The following RYR3 variants were observed in gnomAD, a reference collection of about 807,000 sequenced individuals.
The protein encoded by RYR3 is brain ryanodine receptor-calcium release channel.
In RYR3, 207 loss-of-function variants were observed where a neutral mutation model predicts 584.3. That is an observed-to-expected ratio of 0.35 (90% CI 0.32 to 0.40). The LOEUF is 0.40. Among genes scored for constraint, RYR3 ranks in the 10% least tolerant of loss-of-function variants. RYR3 has a pLI of 1.00. For synonymous variants in RYR3, 2,416 were observed against 2,248.5 expected (o/e 1.07, Z -2.11); for missense variants, 5,616 against 6,089.2 (o/e 0.92, Z 2.59).
rs568913665 is a variant in RYR3, at chr15:33,433,045, C to G, written c.52-40374C>G. The stretch of plus-strand genomic sequence containing the variant: ...TCCATTACCTGAGGCCTATATTGAC[C>G]TTTTCCCTCATGGGTCTTTGACTCA... On this transcript the variant is annotated intron_variant, in intron 1 of 103. Coordinates refer to ENST00000634891, the MANE Select transcript of RYR3 (RefSeq NM_001036.6). Among the ~76,000 whole-genome samples the G allele has an allele frequency of 1.4e-3, 211 of 152,164 alleles. 1 individual carries two copies. The highest frequency in any genetic ancestry group is 6.8e-3 in the Middle Eastern group (2 of 294).
At chr15:33,558,559 C>G (rs752343791) in intron 10 of RYR3, among the ~76,000 whole-genome samples, 3 of 152,040 alleles carry the variant, frequency 2.0e-5, no homozygotes, top group Admixed American at 6.6e-5. Context: ...AATAAACATA[C>G]GTGTGCATGT....
chr15:33,634,800 A>G, intron 25 of RYR3, 67 bp downstream of exon 25: 1 of 1,338,062 alleles, frequency 7.5e-7, no homozygotes, highest in South Asian at 1.2e-5. Context: ...GGGGCATCCT[A>G]ACTTCAAATA....
intron 1 of RYR3, among the ~76,000 whole-genome samples, chr15:33,413,250 G>T (rs2043535917): frequency 6.6e-6 from 1 of 152,174 alleles, no homozygotes; most frequent in African/African-American, 2.4e-5. Context: ...CACTGACTTG[G>T]ATCCTCAAAA....
At chr15:33,688,347 G>A (rs1041697792) in intron 38 of RYR3, among the ~76,000 whole-genome samples, 13 of 152,050 alleles carry the variant, frequency 8.5e-5, no homozygotes, top group African/African-American at 2.9e-4. Context: ...GCTGAGGCAG[G>A]GCAGATCACG....
intron 72 of RYR3, among the ~76,000 whole-genome samples, chr15:33,811,842 T>A (rs2076567868): frequency 6.6e-6 from 1 of 152,140 alleles, no homozygotes; most frequent in South Asian, 2.1e-4. Context: ...AATATAATTT[T>A]CATGATAAAG....
intron 4 of RYR3, among the ~76,000 whole-genome samples, chr15:33,531,837 T>C (rs940474693): frequency 6.6e-6 from 1 of 152,122 alleles, no homozygotes; most frequent in Admixed American, 6.6e-5. Context: ...AAGGTGATAC[T>C]ATCTTTCAGA....
At chr15:33,671,955 A>C (rs2063872460) in intron 38 of RYR3, among the ~76,000 whole-genome samples, 1 of 151,866 alleles carries the variant, frequency 6.6e-6, no homozygotes, top group South Asian at 2.1e-4. Flanking sequence ...CTGGGATTAC[A>C]GGCATGCGCC....
chr15:33,821,731 C>A, intron 80 of RYR3, 129 bp downstream of exon 80: 1 of 797,482 alleles, frequency 1.3e-6, no homozygotes, highest in Non-Finnish European at 2.1e-6. Context: ...CACGTTTGTC[C>A]TTAGTGGCCA....
intron 2 of RYR3, among the ~76,000 whole-genome samples, chr15:33,489,096 A>C (rs2050744906): frequency 6.6e-6 from 1 of 152,180 alleles, no homozygotes; most frequent in Admixed American, 6.5e-5. Flanking sequence ...ATGACCTCTC[A>C]GGCCTGAATT....
chr15:33,662,987 T>A (rs951724714), intron 35 of RYR3, 39 bp downstream of exon 35: 1 of 1,525,748 alleles, frequency 6.6e-7, no homozygotes, highest in African/African-American at 1.4e-5. Context: ...GGTTAATAGA[T>A]CTTCTGCTTT....
intron 5 of RYR3, among the ~76,000 whole-genome samples, chr15:33,536,637 T>TC (rs56372306): frequency 0.84 from 127,171 of 152,004 alleles, 53,817 homozygotes; most frequent in Middle Eastern, 0.95. Context: ...CCTTCGGTGG[T>TC]CTCAGAGAAC....
Position 33,813,493 on chromosome 15 carries a change from G to A in RYR3, c.10416G>A (p.Lys3472=), listed in dbSNP as rs748204537. 1 of 1,613,900 alleles carries A rather than the reference G, an allele frequency of 6.2e-7. No homozygotes were observed. Among genetic ancestry groups the A allele is most frequent in the Non-Finnish European group, 8.5e-7 (1 of 1,179,878 alleles). Residue 3472 remains lysine, a synonymous_variant, in exon 74 of 104, where the codon AAG becomes AAA. Coordinates refer to ENST00000634891, the MANE Select transcript of RYR3 (RefSeq NM_001036.6). The part of the protein sequence containing the change: ...EQVEQPLRSK[K]AVWHKLLSKQ... ...TGGAACAGCCTTTGAGGTCCAAGAA[G>A]GCCGTCTGGCACAAACTGTTATCAA...
At chr15:33,578,948 T>G (rs2058456268) in intron 12 of RYR3, among the ~76,000 whole-genome samples, 1 of 152,050 alleles carries the variant, frequency 6.6e-6, no homozygotes, top group South Asian at 2.1e-4. Flanking sequence ...GATGGGGAAA[T>G]GAAGGGTCAT....
chr15:33,864,226 C>G, intron 103 of RYR3, 37 bp downstream of exon 103: 1 of 1,534,300 alleles, frequency 6.5e-7, no homozygotes, highest in South Asian at 1.2e-5. Flanking sequence ...TGTTAGATCT[C>G]CCTTTCCTAA....
At chr15:33,381,140 A>T (rs2041158878) in intron 1 of RYR3, among the ~76,000 whole-genome samples, 1 of 152,180 alleles carries the variant, frequency 6.6e-6, no homozygotes, top group Non-Finnish European at 1.5e-5. Flanking sequence ...TGCCGAGATG[A>T]AGGAGTCCAG....
At chr15:33,634,863 A>T in intron 25 of RYR3, 130 bp downstream of exon 25, 1 of 733,408 alleles carries the variant, frequency 1.4e-6, no homozygotes, top group South Asian at 1.8e-5. Flanking sequence ...CACTAGACTA[A>T]ATGGTGTGAT....
chr15:33,759,215 C>T (rs1207466431), intron 60 of RYR3, among the ~76,000 whole-genome samples: 2 of 152,142 alleles, frequency 1.3e-5, no homozygotes, highest in African/African-American at 2.4e-5. Context: ...CTAAAAAATT[C>T]CAAAAACCAG....
At chr15:33,622,741 C>A (rs1014504878) in intron 19 of RYR3, among the ~76,000 whole-genome samples, 4 of 152,144 alleles carry the variant, frequency 2.6e-5, no homozygotes, top group African/African-American at 9.7e-5. Context: ...TCCAGAGCTC[C>A]ATATCTCGCC....
intron 48 of RYR3, among the ~76,000 whole-genome samples, chr15:33,733,787 C>T (rs1263667829): frequency 6.6e-6 from 1 of 152,116 alleles, no homozygotes; most frequent in Non-Finnish European, 1.5e-5. Context: ...AAATGTGCCA[C>T]TGGTGAGGGA....
Sources: gnomAD v4.1 joint callset for allele counts (sites outside exome capture counted in the v4.1 genomes callset) on GRCh38, gnomAD v4.1.1 for gene constraint, MANE v1.5 for transcripts, NCBI Gene and HGNC (gene_info 2026-07-23, HGNC 2026-07-21) for gene names.